CDH2: variants seen among roughly 807,000 people sequenced by gnomAD.
CDH2 encodes cadherin-2.
A neutral mutation model predicts 92.0 loss-of-function variants in CDH2; 17 were observed. The ratio of observed to expected loss-of-function variants is 0.18; its 90% CI spans 0.13 to 0.28. CDH2 has a LOEUF of 0.28. Among genes scored for constraint, CDH2 ranks in the 10% least tolerant of loss-of-function variants. The pLI, the probability that CDH2 is intolerant of heterozygous loss-of-function variation, is 1.00. For synonymous variants in CDH2, 419 were observed against 415.9 expected (o/e 1.01, Z -0.09); for missense variants, 862 against 1,133.1 (o/e 0.76, Z 3.44).
intron 2 of CDH2, among the ~76,000 whole-genome samples, chr18:28,138,155 T>C (rs1013491192): frequency 3.3e-5 from 5 of 152,102 alleles, no homozygotes; most frequent in African/African-American, 4.8e-5. Context: ...AAATAAGTAC[T>C]GGCATTAATT....
chr18:28,176,209 T>C (rs945891294), intron 1 of CDH2, among the ~76,000 whole-genome samples: 1 of 152,000 alleles, frequency 6.6e-6, no homozygotes, highest in Non-Finnish European at 1.5e-5. Context: ...GGGGCGCATA[T>C]AGGGCACAGG....
downstream of CDH2, among the ~76,000 whole-genome samples, chr18:27,950,788 T>A (rs1323410531): frequency 6.6e-6 from 1 of 152,210 alleles, no homozygotes. Flanking sequence ...TCTATGATGA[T>A]GGGAAGGTCC....
At chr18:28,036,513 A>G (rs1309352736) in intron 2 of CDH2, 4 of 1,607,386 alleles carry the variant, frequency 2.5e-6, no homozygotes, top group Non-Finnish European at 3.4e-6. Flanking sequence ...TTAATTTCTC[A>G]GTGAAGATAC....
chr18:27,957,133 C>CCCATCCATCCATCCCATCCATCCAT (rs2011269331), intron 15 of CDH2, among the ~76,000 whole-genome samples: 1 of 151,354 alleles, frequency 6.6e-6, no homozygotes, highest in Non-Finnish European at 1.5e-5. Context: ...ATCCATCCAT[C>CCCATCCATCCATCCCATCCATCCAT]CCATCCATCC....
chr18:28,003,490 T>C (rs995402144), intron 6 of CDH2, among the ~76,000 whole-genome samples: 5 of 152,174 alleles, frequency 3.3e-5, no homozygotes, highest in Non-Finnish European at 7.4e-5. Flanking sequence ...AAAATGCAAA[T>C]AATGGGTAAT....
chr18:28,116,297 A>T (rs1859951533), intron 2 of CDH2, among the ~76,000 whole-genome samples: 1 of 152,190 alleles, frequency 6.6e-6, no homozygotes, highest in African/African-American at 2.4e-5. Flanking sequence ...CCACTAGGCA[A>T]GATAGTTTAA....
chr18:28,085,414 G>A (rs1279402047), intron 2 of CDH2, among the ~76,000 whole-genome samples: 2 of 152,124 alleles, frequency 1.3e-5, no homozygotes, highest in East Asian at 3.9e-4. Context: ...CTGCTCCTCT[G>A]CACACGCGTG....
intron 2 of CDH2, among the ~76,000 whole-genome samples, chr18:28,017,308 C>T (rs2013276961): frequency 6.6e-6 from 1 of 151,944 alleles, no homozygotes; most frequent in Admixed American, 6.6e-5. Context: ...TTGGTCTGTT[C>T]AGAGTTTCTA....
At chr18:28,176,089 A>G (rs1216606516) in intron 1 of CDH2, among the ~76,000 whole-genome samples, 1 of 152,180 alleles carries the variant, frequency 6.6e-6, no homozygotes, top group African/African-American at 2.4e-5. Context: ...GGACTGGAGC[A>G]GGTGCTTCCT....
chr18:28,142,615 G>T (rs2015973220), intron 2 of CDH2, among the ~76,000 whole-genome samples: 1 of 151,778 alleles, frequency 6.6e-6, no homozygotes, highest in African/African-American at 2.4e-5. Context: ...CCGCCCCTGA[G>T]AATGTACAGG....
rs142097800 is a variant in CDH2, at chr18:28,041,535, C to T, written c.173-27626G>A. 1.9e-3 allele frequency among the ~76,000 whole-genome samples: 283 copies of T among 152,266 alleles called. 2 individuals carry two copies. Among genetic ancestry groups the T allele is most frequent in the African/African-American group, 6.0e-3 (249 of 41,564 alleles). ...AGTCAGCAGGCAACTGTGTTTTTAA[C>T]GGATAAGTGTCCATGACAACAGGAA... On this transcript the variant is annotated intron_variant, in intron 2 of 15. Coordinates refer to ENST00000269141, the MANE Select transcript of CDH2 (RefSeq NM_001792.5).
intron 2 of CDH2, among the ~76,000 whole-genome samples, chr18:28,057,947 T>C (rs1045922086): frequency 6.6e-6 from 1 of 152,178 alleles, no homozygotes; most frequent in African/African-American, 2.4e-5. Context: ...AATATTGGTT[T>C]GGTGATTGTT....
chr18:28,030,624 G>T (rs1157151146), intron 2 of CDH2, among the ~76,000 whole-genome samples: 1 of 152,064 alleles, frequency 6.6e-6, no homozygotes, highest in Non-Finnish European at 1.5e-5. Context: ...TTCAGCCTTT[G>T]CAGGGTAAAG....
At chr18:28,075,908 C>G (rs2014709951) in intron 2 of CDH2, among the ~76,000 whole-genome samples, 1 of 152,144 alleles carries the variant, frequency 6.6e-6, no homozygotes, top group Non-Finnish European at 1.5e-5. Context: ...AATGGTAATT[C>G]TTCTTATTTA....
intron 2 of CDH2, among the ~76,000 whole-genome samples, chr18:28,041,878 C>A (rs2013954415): frequency 6.6e-6 from 1 of 151,800 alleles, no homozygotes; most frequent in African/African-American, 2.4e-5. Flanking sequence ...TTCCAATTAC[C>A]TAAGAATTTT....
intron 15 of CDH2, among the ~76,000 whole-genome samples, chr18:27,953,021 G>A (rs1478265360): frequency 6.6e-6 from 1 of 152,078 alleles, no homozygotes; most frequent in African/African-American, 2.4e-5. Flanking sequence ...CTACATAAAG[G>A]GAGGTACTCA....
In CDH2 at chr18:28,144,147, C is replaced by G. The variant is rs561808996; in HGVS notation, c.172+3526G>C. On this transcript the variant is annotated intron_variant, in intron 2 of 15. Transcript: ENST00000269141. Reference sequence around the variant, plus strand: ...ACCTGCACGTTCTGCACATGTGTCCCAGAACTTAAAGTAAAATTAAAAAAA... The same window carrying G: ...ACCTGCACGTTCTGCACATGTGTCCGAGAACTTAAAGTAAAATTAAAAAAA... Among the ~76,000 whole-genome samples, 3 of 150,824 alleles carry G rather than the reference C, an allele frequency of 2.0e-5. No individual in the cohort carries two copies. The Admixed American group carries it at 2.0e-4, about 10-fold the overall frequency.
chr18:28,081,036 G>A (rs1055088762), intron 2 of CDH2, among the ~76,000 whole-genome samples: 2 of 152,082 alleles, frequency 1.3e-5, no homozygotes, highest in African/African-American at 2.4e-5. Flanking sequence ...TTAAACTCTC[G>A]GTCTTGGCTT....
At chr18:28,067,200 C>T (rs1041217134) in intron 2 of CDH2, among the ~76,000 whole-genome samples, 6 of 152,114 alleles carry the variant, frequency 3.9e-5, no homozygotes, top group Admixed American at 1.3e-4. Context: ...GTGTTACTGA[C>T]TAACAGCTTT....
Sources: gnomAD v4.1 joint callset for allele counts (sites outside exome capture counted in the v4.1 genomes callset) on GRCh38, gnomAD v4.1.1 for gene constraint, MANE v1.5 for transcripts, NCBI Gene and HGNC (gene_info 2026-07-23, HGNC 2026-07-21) for gene names.